The following SMC3 variants were observed in gnomAD, a reference collection of about 807,000 sequenced individuals.
SMC3 encodes structural maintenance of chromosomes 3, also known as structural maintenance of chromosomes protein 3.
SMC3 carries 20 observed loss-of-function variants against 171.8 expected under a neutral mutation model. The observed-to-expected ratio is 0.12, with a 90% CI of 0.08 to 0.17. The LOEUF (loss-of-function observed/expected upper bound fraction) is 0.17. SMC3 is among the 10% of genes least tolerant of loss of function. The pLI is 1.00. For synonymous variants in SMC3, 464 were observed against 451.1 expected, an observed-to-expected ratio of 1.03 and a Z score of -0.36; for missense variants, 543 against 1,420.4, an observed-to-expected ratio of 0.38 and a Z score of 9.93.
chr10:110,568,815 T>A, intron 1 of SMC3, 123 bp from the exon 2 acceptor site: 1 of 665,446 alleles, frequency 1.5e-6, no homozygotes, highest in Non-Finnish European at 2.7e-6. Context: ...CAAAATGAAT[T>A]TTTCTTATAT....
intron 1 of SMC3, 90 bp downstream of exon 1, chr10:110,567,921 C>T (rs1590545159): frequency 1.4e-5 from 13 of 939,250 alleles, no homozygotes; most frequent in Non-Finnish European, 2.0e-5. Context: ...GCAGCCTCTC[C>T]CCTGTCTCCA....
chr10:110,590,870 A>T (rs1044025489), intron 16 of SMC3, 121 bp from the exon 17 acceptor site: 31 of 892,924 alleles, frequency 3.5e-5, no homozygotes, highest in Non-Finnish European at 5.4e-5. Context: ...ATAACATTTT[A>T]AAAGTGCACA....
At position 110,590,576 on chromosome 10, in the gene SMC3, A is replaced by AT; in HGVS notation, c.1670+4_1670+5insT. 12 of 1,613,754 alleles carry AT rather than the reference A, an allele frequency of 7.4e-6. No individual in the cohort carries two copies. The highest frequency in any genetic ancestry group is 1.0e-5 in the Non-Finnish European group (12 of 1,179,724). ...TGGAAGTCACTGCTGGAAACAGGTT[A>AT]AAGCTTTTGCTTGATATTTAGCATT... is the stretch of plus-strand genomic sequence containing the variant. On this transcript the variant is annotated splice_donor_region_variant and intron_variant, in intron 16 of 28. Coordinates refer to ENST00000361804, the MANE Select transcript of SMC3 (RefSeq NM_005445.4).
intron 13 of SMC3, among the ~76,000 whole-genome samples, chr10:110,587,186 T>C (rs1021170717): frequency 6.6e-6 from 1 of 152,210 alleles, no homozygotes; most frequent in Admixed American, 6.5e-5. Flanking sequence ...AAGGGGAAGC[T>C]CTTAGATAGT....
In SMC3 at chr10:110,584,451, T is replaced by G. The variant is rs1324121314; in HGVS notation, c.1305+55T>G. The stretch of plus-strand genomic sequence containing the variant: ...ATCTTTCAGAAGAGATAAATGTGTT[T>G]AGTTTTATCTACTTCAAGTTTTCTT... On this transcript the variant is annotated intron_variant, in intron 13 of 28. Coordinates refer to ENST00000361804, the MANE Select transcript of SMC3 (RefSeq NM_005445.4). The G allele has an allele frequency of 4.1e-6, 5 of 1,221,730 alleles. No individual in the cohort carries two copies. In the African/African-American group the frequency reaches 6.1e-5, roughly 15 times the overall value. The allele number at this position is 1,221,730 out of a possible 1,614,324, so 75.7% of individuals were successfully genotyped here.
At chr10:110,589,794 G>A in intron 14 of SMC3, 86 bp downstream of exon 14, 1 of 1,451,826 alleles carries the variant, frequency 6.9e-7, no homozygotes, top group Non-Finnish European at 9.7e-7. Flanking sequence ...AAGTTAACCG[G>A]TCAGGCTTGT....
chr10:110,580,430 A>G (rs1283903671), intron 7 of SMC3, among the ~76,000 whole-genome samples: 1 of 152,192 alleles, frequency 6.6e-6, no homozygotes, highest in Non-Finnish European at 1.5e-5. Context: ...ATACTCCTTC[A>G]CTTGTTAGCC....
In SMC3 at chr10:110,567,848, C is replaced by T. The variant is rs1038828250; in HGVS notation, c.15+17C>T. On this transcript the variant is annotated intron_variant, in intron 1 of 28. Coordinates refer to ENST00000361804, the MANE Select transcript of SMC3 (RefSeq NM_005445.4). Reference sequence around the variant, plus strand: ...ATAAAGCAGGTAAGGCCTTCGCGTCCCTCCACCCCGTCATGGGCCGGTAAG... The same window carrying T: ...ATAAAGCAGGTAAGGCCTTCGCGTCTCTCCACCCCGTCATGGGCCGGTAAG... The T allele has an allele frequency of 1.2e-6, 2 of 1,613,356 alleles. No homozygotes were observed.
At chr10:110,596,949 T>C (rs7096997) in intron 19 of SMC3, among the ~76,000 whole-genome samples, 111,462 of 151,250 alleles carry the variant, frequency 0.74, 42,314 homozygotes, top group Non-Finnish European at 0.84. Context: ...GCATCAGTAA[T>C]GTTACATATT....
At position 110,582,253 on chromosome 10, in the gene SMC3, A is replaced by G. The variant is rs145938658; in HGVS notation, c.723+155A>G. Among the ~76,000 whole-genome samples, 4 of 152,350 alleles carry G rather than the reference A, an allele frequency of 2.6e-5. No individual in the cohort carries two copies. In the East Asian group the frequency reaches 7.7e-4, roughly 29 times the overall value. ...TTAGTCAGCAAGTTTTTTTAGTTCAAGGAAATTAGCCATGTGGTCCTTGCT... is the reference window on the plus strand; with the variant it reads ...TTAGTCAGCAAGTTTTTTTAGTTCAGGGAAATTAGCCATGTGGTCCTTGCT... On this transcript the variant is annotated intron_variant, in intron 9 of 28. Transcript: ENST00000361804.
At chr10:110,596,640 T>C (rs1311417359) in intron 19 of SMC3, 90 bp downstream of exon 19, 2 of 1,265,974 alleles carry the variant, frequency 1.6e-6, no homozygotes, top group African/African-American at 1.5e-5. Flanking sequence ...TTTTCACATA[T>C]TAAAAATTTC....
At chr10:110,569,993 T>C (rs1310538325) in intron 2 of SMC3, among the ~76,000 whole-genome samples, 2 of 152,250 alleles carry the variant, frequency 1.3e-5, no homozygotes, top group African/African-American at 4.8e-5. Flanking sequence ...ATTAGTTTGC[T>C]AAGGCAGCCA....
chr10:110,581,915 C>A lies in SMC3; in HGVS notation c.548-8C>A, dbSNP rs376304978. The A allele has an allele frequency of 1.2e-6, 2 of 1,611,216 alleles. No homozygotes were observed. Among genetic ancestry groups the A allele is most frequent in the African/African-American group, 2.7e-5 (2 of 74,938 alleles). ...AATTCTTCCACCTCTCTCCCCATTT[C>A]TTTTAAGAGGGCAAACGGGAAAAAA... On this transcript the variant is annotated splice_region_variant and splice_polypyrimidine_tract_variant and intron_variant, in intron 8 of 28. Transcript: ENST00000361804.
intron 18 of SMC3, among the ~76,000 whole-genome samples, chr10:110,595,323 C>T (rs1215135324): frequency 6.6e-6 from 1 of 152,116 alleles, no homozygotes; most frequent in Admixed American, 6.6e-5. Context: ...CCCTTCTCCC[C>T]ACCCAGAGAA....
intron 4 of SMC3, among the ~76,000 whole-genome samples, chr10:110,576,464 G>GA (rs1860952712): frequency 6.6e-6 from 1 of 151,982 alleles, no homozygotes; most frequent in Admixed American, 6.5e-5. Context: ...ATGTGATGTG[G>GA]AAAAAAATAT....
intron 2 of SMC3, 65 bp from the exon 3 acceptor site, chr10:110,573,642 A>G: frequency 9.1e-7 from 1 of 1,093,932 alleles, no homozygotes; most frequent in South Asian, 1.4e-5. Context: ...ATTTTTAAAA[A>G]GGTAAACAGT....
At chr10:110,580,194 T>G (rs1013003266) in intron 7 of SMC3, among the ~76,000 whole-genome samples, 2 of 152,188 alleles carry the variant, frequency 1.3e-5, no homozygotes, top group African/African-American at 4.8e-5. Context: ...TACTATGCCA[T>G]TTTATATAAG....
At chr10:110,603,076 A>C in intron 27 of SMC3, 74 bp downstream of exon 27, 8 of 1,571,642 alleles carry the variant, frequency 5.1e-6, no homozygotes, top group Non-Finnish European at 7.0e-6. Flanking sequence ...TATATGAAAA[A>C]ATCAAACTCA....
In SMC3 at chr10:110,591,036, T is replaced by C; in HGVS notation, c.1716T>C (p.Ile572=). ...ATTCAGATGAAGTCAGCACGAAGAT[T>C]TTAATGGAGTTTAATAAAATGAATC... The part of the protein sequence containing the change: ...IVDSDEVSTK[I]LMEFNKMNLP... The change falls in exon 17 of 29, where the codon ATT becomes ATC. Residue 572 remains isoleucine (I), a synonymous_variant. Transcript: ENST00000361804. The C allele has an allele frequency of 6.2e-7, 1 of 1,613,104 alleles. No individual in the cohort carries two copies. The highest frequency in any genetic ancestry group is 8.5e-7 in the Non-Finnish European group (1 of 1,179,134).
Sources: gnomAD v4.1 joint callset for allele counts (sites outside exome capture counted in the v4.1 genomes callset) on GRCh38, gnomAD v4.1.1 for gene constraint, MANE v1.5 for transcripts, NCBI Gene and HGNC (gene_info 2026-07-23, HGNC 2026-07-21) for gene names.